Variants in RALGPS1 observed in about 807,000 individuals in gnomAD.
RALGPS1 encodes the protein Ral GEF with PH domain and SH3 binding motif 1.
RALGPS1 carries 19 observed loss-of-function variants against 78.8 expected under a neutral mutation model. That is an observed-to-expected ratio of 0.24 (90% CI 0.17 to 0.35). The LOEUF (loss-of-function observed/expected upper bound fraction) is 0.35, where lower values mean the gene tolerates loss of function less well. RALGPS1 is among the 10% of genes least tolerant of loss of function. The pLI, the probability that RALGPS1 is intolerant of heterozygous loss-of-function variation, is 1.00. For synonymous variants in RALGPS1, 228 were observed against 256.3 expected, an observed-to-expected ratio of 0.89 and a Z score of 1.06; for missense variants, 454 against 688.3, an observed-to-expected ratio of 0.66 and a Z score of 3.81.
At chr9:127,124,192 G>C (rs749866292) in intron 8 of RALGPS1, among the ~76,000 whole-genome samples, 3 of 152,218 alleles carry the variant, frequency 2.0e-5, no homozygotes, top group Non-Finnish European at 4.4e-5. Context: ...CTTGTGACCA[G>C]AGGAATGTGG....
chr9:126,940,120 C>A (rs565233865), intron 1 of RALGPS1, among the ~76,000 whole-genome samples: 24 of 152,272 alleles, frequency 1.6e-4, no homozygotes, highest in African/African-American at 5.8e-4. Context: ...CCCTCCTTTT[C>A]CAAGCAACCT....
At chr9:127,100,229 A>C (rs942170035) in intron 8 of RALGPS1, among the ~76,000 whole-genome samples, 1 of 152,244 alleles carries the variant, frequency 6.6e-6, no homozygotes, top group African/African-American at 2.4e-5. Flanking sequence ...CAAAAGTATT[A>C]AATCCTTTCA....
intron 4 of RALGPS1, among the ~76,000 whole-genome samples, chr9:126,980,664 T>C (rs2041161059): frequency 6.6e-6 from 1 of 152,250 alleles, no homozygotes; most frequent in Non-Finnish European, 1.5e-5. Flanking sequence ...CTAAAGATTT[T>C]TTCTTGCGTA....
chr9:127,145,603 G>T (rs912710774), intron 8 of RALGPS1, among the ~76,000 whole-genome samples: 8 of 152,196 alleles, frequency 5.3e-5, no homozygotes, highest in African/African-American at 1.4e-4. Flanking sequence ...GACTCAGGCC[G>T]GGGAGGGCTG....
chr9:127,141,908 G>T (rs2057806649), intron 8 of RALGPS1, among the ~76,000 whole-genome samples: 1 of 152,122 alleles, frequency 6.6e-6, no homozygotes, highest in South Asian at 2.1e-4. Context: ...TTGGGGTTAT[G>T]TATTCAATAA....
intron 14 of RALGPS1, among the ~76,000 whole-genome samples, chr9:127,202,883 C>T (rs1268817789): frequency 1.3e-5 from 2 of 152,032 alleles, no homozygotes; most frequent in South Asian, 2.1e-4. Context: ...TCTGCTCTCC[C>T]AGGGAGGTGG....
chr9:127,126,316 A>AT (rs1015437674), intron 8 of RALGPS1, among the ~76,000 whole-genome samples: 15 of 151,946 alleles, frequency 9.9e-5, no homozygotes, highest in African/African-American at 3.6e-4. Flanking sequence ...TTTATCTTTG[A>AT]TTTTTTAGCA....
At position 127,034,482 on chromosome 9, in the gene RALGPS1, A is replaced by G. The variant is rs1309583227; in HGVS notation, c.268A>G (p.Asn90Asp). The change falls in exon 5 of 19, where the codon AAC becomes GAC. Residue 90 changes from asparagine (N) to aspartate (D), a missense_variant. Transcript: ENST00000259351. ...SKKEKHSLAP[N>D]VVAFTRRFNQ... ...GAAGGAGAAACACAGTCTTGCCCCT[A>G]ACGTTGTGGCCTTTACCCGGAGGTT... 1 of 1,614,028 alleles carries G rather than the reference A, an allele frequency of 6.2e-7. No homozygotes were observed. The highest frequency in any genetic ancestry group is 8.5e-7 in the Non-Finnish European group (1 of 1,179,998).
At chr9:126,945,886 T>C (rs560636003) in intron 1 of RALGPS1, among the ~76,000 whole-genome samples, 1 of 152,368 alleles carries the variant, frequency 6.6e-6, no homozygotes, top group South Asian at 2.1e-4. Context: ...CAGCTTCCGT[T>C]TGGAGAAGGG....
rs114407784 is a variant in RALGPS1, at chr9:127,145,703, T to G, written c.611-20366T>G. Among the ~76,000 whole-genome samples the G allele has an allele frequency of 5.5e-3, 839 of 152,280 alleles. 12 individuals are homozygous for G. The highest frequency in any genetic ancestry group is 0.019 in the African/African-American group (805 of 41,554). ...GGTAGAGCCCCAGAAGATGTGGAGCTCTCTGCAGATGCTTTTGAACTCTGA... is the reference window on the plus strand; with the variant it reads ...GGTAGAGCCCCAGAAGATGTGGAGCGCTCTGCAGATGCTTTTGAACTCTGA... On this transcript the variant is annotated intron_variant, in intron 8 of 18. Transcript: ENST00000259351.
At chr9:126,969,995 G>T (rs1231419960) in intron 3 of RALGPS1, among the ~76,000 whole-genome samples, 3 of 152,134 alleles carry the variant, frequency 2.0e-5, no homozygotes, top group Non-Finnish European at 4.4e-5. Context: ...AATTGAACCA[G>T]ACCAACTGGC....
intron 8 of RALGPS1, among the ~76,000 whole-genome samples, chr9:127,157,963 A>G (rs7846829): frequency 0.057 from 8,729 of 152,234 alleles, 861 homozygotes; most frequent in African/African-American, 0.2. Context: ...TATCACATCA[A>G]GGAAGTCTGT....
intron 1 of RALGPS1, among the ~76,000 whole-genome samples, chr9:126,945,111 G>A (rs1180858830): frequency 1.3e-5 from 2 of 152,184 alleles, no homozygotes; most frequent in Non-Finnish European, 2.9e-5. Context: ...GTATGAGTGG[G>A]CCACTGTACT....
At chr9:126,972,556 G>A (rs1241515988) in intron 3 of RALGPS1, among the ~76,000 whole-genome samples, 1 of 152,178 alleles carries the variant, frequency 6.6e-6, no homozygotes, top group East Asian at 1.9e-4. Flanking sequence ...TCCTGATGAA[G>A]CAGTGTGCCG....
At chr9:126,982,928 CTTTTTTTTTTTTTTT>C (rs71377984) in intron 4 of RALGPS1, among the ~76,000 whole-genome samples, 1 of 34,594 alleles carries the variant, frequency 2.9e-5, no homozygotes, top group Non-Finnish European at 6.3e-5. Context: ...TCTTCTTCTT[CTTTTTTTTTTTTTTT>C]TTTTTTTTTT....
chr9:127,211,467 G>A lies in RALGPS1; in HGVS notation c.1248-664G>A, dbSNP rs555122038. On this transcript the variant is annotated intron_variant, in intron 14 of 18. Coordinates refer to ENST00000259351, the MANE Select transcript of RALGPS1 (RefSeq NM_014636.3). The surrounding 1 kb of genome is among the most constrained non-coding windows in gnomAD (Gnocchi z 5.0). ...GATTGATTAGGTTGCAGGGGCATCC[G>A]AGAGGAAGAAAATCCCCGCTTTCTG... is the stretch of plus-strand genomic sequence containing the variant. Among the ~76,000 whole-genome samples the A allele has an allele frequency of 1.4e-4, 21 of 152,284 alleles. No individual in the cohort carries two copies. Among genetic ancestry groups the A allele is most frequent in the African/African-American group, 4.6e-4 (19 of 41,552 alleles).
At chr9:127,093,503 G>GT (rs1289628264) in intron 8 of RALGPS1, among the ~76,000 whole-genome samples, 5 of 152,226 alleles carry the variant, frequency 3.3e-5, no homozygotes, top group African/African-American at 9.6e-5. Flanking sequence ...TCCTGCAGCA[G>GT]TTTCTAGCAG....
intron 8 of RALGPS1, among the ~76,000 whole-genome samples, chr9:127,133,996 T>C (rs1288102602): frequency 1.5e-5 from 2 of 137,116 alleles, no homozygotes; most frequent in African/African-American, 5.0e-5. Flanking sequence ...GTAAATGCTC[T>C]TGTCCTCGCT....
At chr9:127,102,270 A>C (rs2053809063) in intron 8 of RALGPS1, among the ~76,000 whole-genome samples, 1 of 149,208 alleles carries the variant, frequency 6.7e-6, no homozygotes, top group African/African-American at 2.5e-5. Flanking sequence ...ACAGTTATGG[A>C]GGCTGAGAAG....
Sources: gnomAD v4.1 joint callset for allele counts (sites outside exome capture counted in the v4.1 genomes callset) on GRCh38, gnomAD v4.1.1 for gene constraint, Gnocchi (gnomAD v3.1) non-coding constraint, MANE v1.5 for transcripts, NCBI Gene and HGNC (gene_info 2026-07-23, HGNC 2026-07-21) for gene names.